The following NT5C2 variants were observed in gnomAD, a reference collection of about 807,000 sequenced individuals.
NT5C2 encodes the protein 5'-nucleotidase, cytosolic II.
A neutral mutation model predicts 76.1 loss-of-function variants in NT5C2; 58 were observed. The observed-to-expected ratio is 0.76, with a 90% CI of 0.62 to 0.95. The LOEUF is 0.95. NT5C2 is among the 40% of genes least tolerant of loss of function. The pLI, the probability that NT5C2 is intolerant of heterozygous loss-of-function variation, is 0.00. For synonymous variants in NT5C2, 229 were observed against 237.4 expected, an observed-to-expected ratio of 0.96 and a Z score of 0.32; for missense variants, 478 against 690.3, an observed-to-expected ratio of 0.69 and a Z score of 3.45.
intron 18 of NT5C2, 182 bp from the exon 19 acceptor site, chr10:103,090,090 C>T (rs1564898427): frequency 4.1e-6 from 2 of 484,978 alleles, no homozygotes; most frequent in Non-Finnish European, 7.1e-6. Context: ...TCTCTCCCTG[C>T]CCCTCAAAAT....
chr10:103,139,487 AAAT>A lies in NT5C2; in HGVS notation c.102-11_102-9del. 2 of 1,459,704 alleles carry A rather than the reference AAAT, an allele frequency of 1.4e-6. No homozygotes were observed. Among genetic ancestry groups the A allele is most frequent in the Non-Finnish European group, 1.9e-6 (2 of 1,065,762 alleles). The allele number at this position is 1,459,704 out of a possible 1,614,324, so 90.4% of individuals were successfully genotyped here. A position where few individuals can be genotyped will look rare whatever the true frequency, so the allele number is the denominator to read the frequency against. ...CTTCGGTTCACAAACACCCTATAGAAAATAATAAAAAATAATATCTCAACACTG... is the reference window on the plus strand; with the variant it reads ...CTTCGGTTCACAAACACCCTATAGAAAATAAAAAATAATATCTCAACACTG... On this transcript the variant is annotated splice_polypyrimidine_tract_variant and intron_variant, in intron 3 of 18. Coordinates refer to ENST00000404739, the MANE Select transcript of NT5C2 (RefSeq NM_001351169.2).
chr10:103,123,215 T>C (rs2076025377), intron 4 of NT5C2, among the ~76,000 whole-genome samples: 1 of 152,160 alleles, frequency 6.6e-6, no homozygotes, highest in African/African-American at 2.4e-5. Context: ...CTCAAACTCC[T>C]TGGCTAACAC....
chr10:103,109,013 C>T (rs550165912), intron 4 of NT5C2, among the ~76,000 whole-genome samples: 15 of 151,820 alleles, frequency 9.9e-5, no homozygotes, highest in African/African-American at 3.6e-4. Context: ...TGCCCGCCAC[C>T]ACACCTGGTA....
intron 4 of NT5C2, chr10:103,125,202 T>C: frequency 2.7e-6 from 2 of 742,746 alleles, no homozygotes; most frequent in Non-Finnish European, 4.7e-6. Context: ...CCACACCTGT[T>C]TAGCCTGCCT....
intron 14 of NT5C2, 46 bp from the exon 15 acceptor site, chr10:103,093,355 A>C (rs752925976): frequency 6.3e-5 from 93 of 1,466,320 alleles, no homozygotes; most frequent in Non-Finnish European, 7.8e-5. Context: ...CTATATTAAA[A>C]TCAGCATTCC....
At chr10:103,116,763 T>TG (rs1179262826) in intron 4 of NT5C2, among the ~76,000 whole-genome samples, 1 of 151,182 alleles carries the variant, frequency 6.6e-6, no homozygotes, top group Non-Finnish European at 1.5e-5. Context: ...TTTTTAAAGA[T>TG]GGGGTCTCAC....
intron 4 of NT5C2, among the ~76,000 whole-genome samples, chr10:103,108,257 T>C (rs1331594261): frequency 6.6e-6 from 1 of 152,162 alleles, no homozygotes; most frequent in Non-Finnish European, 1.5e-5. Flanking sequence ...CAGGAGTGAG[T>C]AAGCCATATT....
intron 3 of NT5C2, among the ~76,000 whole-genome samples, chr10:103,159,599 T>G (rs960917431): frequency 6.6e-6 from 1 of 150,762 alleles, no homozygotes; most frequent in Non-Finnish European, 1.5e-5. Flanking sequence ...CAGTGAGCTA[T>G]GATCATGTCA....
At chr10:103,188,351 C>A (rs1235602372) in intron 1 of NT5C2, among the ~76,000 whole-genome samples, 2 of 151,444 alleles carry the variant, frequency 1.3e-5, no homozygotes, top group African/African-American at 2.4e-5. Flanking sequence ...GTGCAAAAAT[C>A]AAAAATGAAT....
intron 4 of NT5C2, among the ~76,000 whole-genome samples, chr10:103,138,495 A>G (rs562399249): frequency 1.3e-4 from 19 of 151,976 alleles, no homozygotes; most frequent in Admixed American, 6.5e-4. Flanking sequence ...TGTGTTCTCA[A>G]TGTTCAACTC....
At chr10:103,119,755 G>A (rs975739812) in intron 4 of NT5C2, among the ~76,000 whole-genome samples, 7 of 151,946 alleles carry the variant, frequency 4.6e-5, no homozygotes, top group Admixed American at 1.3e-4. Flanking sequence ...CGTTCTTTAA[G>A]AAGAAATGCT....
chr10:103,126,069 A>G (rs1417998612), intron 4 of NT5C2, among the ~76,000 whole-genome samples: 1 of 152,220 alleles, frequency 6.6e-6, no homozygotes, highest in African/African-American at 2.4e-5. Context: ...GTGTGCTCAG[A>G]TAAGGACCAC....
Position 103,089,499 on chromosome 10 carries a change from TACACAAAACCA to T in NT5C2, c.*162_*172del. ...TTGGACCATCTGCAGAGAGTACAGATACACAAAACCAAAACAAGTATCTATGATAATAAAAT... is the reference window on the plus strand; with the variant it reads ...TTGGACCATCTGCAGAGAGTACAGATAAACAAGTATCTATGATAATAAAAT... On this transcript the variant is annotated 3_prime_UTR_variant, in exon 19 of 19. Transcript: ENST00000404739. 1 of 1,228,276 alleles carries T rather than the reference TACACAAAACCA, an allele frequency of 8.1e-7. No homozygotes were observed. The highest frequency in any genetic ancestry group is 1.5e-5 in the African/African-American group (1 of 65,706). The allele number at this position is 1,228,276 out of a possible 1,614,324, so 76.1% of individuals were successfully genotyped here.
intron 2 of NT5C2, among the ~76,000 whole-genome samples, chr10:103,176,640 T>C (rs934991325): frequency 1.3e-5 from 2 of 152,124 alleles, no homozygotes; most frequent in Non-Finnish European, 2.9e-5. Context: ...CAAGCCATCT[T>C]CCCAACTCAG....
At chr10:103,153,451 A>G (rs2082755310) in intron 3 of NT5C2, 2 of 1,132,160 alleles carry the variant, frequency 1.8e-6, no homozygotes, top group Admixed American at 9.9e-5. Context: ...CCGAACCCTA[A>G]CTAGGCAATA....
At position 103,093,121 on chromosome 10, in the gene NT5C2, G is replaced by A. The variant is rs778280733; in HGVS notation, c.1159+18C>T. ...TCATTTAGATATAAATTACACCAAA[G>A]ATTTATGAATGGCTTACAACTCTTG... On this transcript the variant is annotated intron_variant, in intron 15 of 18. Coordinates refer to ENST00000404739, the MANE Select transcript of NT5C2 (RefSeq NM_001351169.2). 1 of 1,539,564 alleles carries A rather than the reference G, an allele frequency of 6.5e-7. No homozygotes were observed. The highest frequency in any genetic ancestry group is 8.7e-7 in the Non-Finnish European group (1 of 1,147,206).
chr10:103,101,828 GA>G (rs1564964246), intron 6 of NT5C2, among the ~76,000 whole-genome samples: 1 of 152,156 alleles, frequency 6.6e-6, no homozygotes, highest in Non-Finnish European at 1.5e-5. Flanking sequence ...CTAAGGAGAG[GA>G]AAATCTAGGA....
chr10:103,160,325 T>G (rs1565226246), intron 3 of NT5C2, among the ~76,000 whole-genome samples: 1 of 152,116 alleles, frequency 6.6e-6, no homozygotes, highest in Non-Finnish European at 1.5e-5. Flanking sequence ...CACTGTGACT[T>G]TGGAATAAGC....
At chr10:103,130,979 T>G (rs1418436703) in intron 4 of NT5C2, among the ~76,000 whole-genome samples, 4 of 152,212 alleles carry the variant, frequency 2.6e-5, no homozygotes, top group Admixed American at 6.5e-5. Flanking sequence ...AGAAGTCATA[T>G]GTATTTCCCA....
Sources: allele counts gnomAD v4.1 joint callset (sites outside exome capture counted in the v4.1 genomes callset), GRCh38; gene constraint gnomAD v4.1.1; transcripts MANE v1.5; gene names NCBI Gene and HGNC (gene_info 2026-07-23, HGNC 2026-07-21).